WWOX: variants seen among roughly 807,000 people sequenced by gnomAD.
WWOX encodes the protein WW domain-containing oxidoreductase.
A neutral mutation model predicts 46.2 loss-of-function variants in WWOX; 69 were observed. The ratio of observed to expected loss-of-function variants is 1.49; its 90% CI spans 1.23 to 1.82. WWOX has a LOEUF of 1.82. Among genes scored for constraint, WWOX ranks in the 40% most tolerant of loss-of-function variants. The pLI is 0.00. For missense variants in WWOX, 919 were observed against 542.6 expected (o/e 1.69, Z -6.89); for synonymous variants, 359 against 202.6 (o/e 1.77, Z -6.56).
Position 79,142,472 on chromosome 16 carries a change from CCCT to C in WWOX, c.1057-69130_1057-69128del, listed in dbSNP as rs544502782. 2.1e-3 allele frequency among the ~76,000 whole-genome samples: 313 copies of C among 152,250 alleles called. 4 individuals carry two copies. The South Asian group carries it at 0.029, about 14-fold the overall frequency. ...TTGGCACATGCTACACATCAGGGCTCCCTCCTCCCCACCAAAGCTGATCATTAA... is the reference window on the plus strand; with the variant it reads ...TTGGCACATGCTACACATCAGGGCTCCCTCCCCACCAAAGCTGATCATTAA... On this transcript the variant is annotated intron_variant, in intron 8 of 8. Coordinates refer to ENST00000566780, the MANE Select transcript of WWOX (RefSeq NM_016373.4).
intron 8 of WWOX, among the ~76,000 whole-genome samples, chr16:78,853,396 A>G (rs914882866): frequency 6.6e-6 from 1 of 152,098 alleles, no homozygotes; most frequent in African/African-American, 2.4e-5. Context: ...TATTTTTAGT[A>G]GAGACAGGGT....
At chr16:78,203,720 G>A (rs2036305517) in intron 5 of WWOX, among the ~76,000 whole-genome samples, 1 of 152,142 alleles carries the variant, frequency 6.6e-6, no homozygotes, top group Non-Finnish European at 1.5e-5. Flanking sequence ...AAGGGATGGG[G>A]GAGCAGGTAA....
chr16:78,650,431 C>A (rs1351015129), intron 8 of WWOX, among the ~76,000 whole-genome samples: 1 of 152,102 alleles, frequency 6.6e-6, no homozygotes, highest in Non-Finnish European at 1.5e-5. Context: ...AATTGGTGTC[C>A]GTGTGCCTTG....
At chr16:78,691,738 C>A (rs943770042) in intron 8 of WWOX, among the ~76,000 whole-genome samples, 1 of 152,094 alleles carries the variant, frequency 6.6e-6, no homozygotes, top group Admixed American at 6.6e-5. Context: ...AGCACTGTCT[C>A]TCTCTACCCT....
chr16:78,810,159 T>A (rs933963717), intron 8 of WWOX, among the ~76,000 whole-genome samples: 1 of 152,224 alleles, frequency 6.6e-6, no homozygotes, highest in African/African-American at 2.4e-5. Context: ...TCCTTTAATA[T>A]TCTTCTTCAG....
intron 5 of WWOX, among the ~76,000 whole-genome samples, chr16:78,359,899 C>G (rs2081373638): frequency 6.6e-6 from 1 of 152,182 alleles, no homozygotes; most frequent in African/African-American, 2.4e-5. Flanking sequence ...AATTTTGTGA[C>G]TTGGAAGATT....
At chr16:78,741,407 A>G (rs560230945) in intron 8 of WWOX, among the ~76,000 whole-genome samples, 66 of 152,264 alleles carry the variant, frequency 4.3e-4, no homozygotes, top group Admixed American at 7.8e-4. Context: ...CTAATAATAC[A>G]AAAAATAGCT....
chr16:78,630,717 G>A (rs182865522), intron 8 of WWOX, among the ~76,000 whole-genome samples: 11 of 152,274 alleles, frequency 7.2e-5, no homozygotes, highest in Admixed American at 3.9e-4. Context: ...GAGTGTGACC[G>A]TATGCTGAGT....
intron 8 of WWOX, among the ~76,000 whole-genome samples, chr16:78,622,843 G>A (rs2046223247): frequency 6.6e-6 from 1 of 152,150 alleles, no homozygotes; most frequent in African/African-American, 2.4e-5. Context: ...ATCCTCCTGG[G>A]TGGGCCTGAC....
chr16:78,297,979 G>A (rs745958268), intron 5 of WWOX, among the ~76,000 whole-genome samples: 11 of 152,100 alleles, frequency 7.2e-5, no homozygotes, highest in Non-Finnish European at 1.5e-4. Context: ...CATGGAGACC[G>A]TTCCCCCGTG....
intron 8 of WWOX, among the ~76,000 whole-genome samples, chr16:78,556,732 T>C (rs1246865911): frequency 6.6e-6 from 1 of 152,138 alleles, no homozygotes; most frequent in African/African-American, 2.4e-5. Flanking sequence ...TTTTTATTTT[T>C]CGAGATGGAC....
At position 78,347,580 on chromosome 16, in the gene WWOX, A is replaced by T. The variant is rs1027182018; in HGVS notation, c.517-39280A>T. 2.0e-4 allele frequency among the ~76,000 whole-genome samples: 24 copies of T among 120,356 alleles called. 7 individuals carry two copies. Among genetic ancestry groups the T allele is most frequent in the African/African-American group, 5.1e-4 (18 of 35,522 alleles). 79.0% of individuals were successfully genotyped at this position (120,356 alleles called of 152,430 possible). On this transcript the variant is annotated intron_variant, in intron 5 of 8. Transcript: ENST00000566780. ...TCCTGACCTTCCCAGTCCGAAGCCC[A>T]AGGAGATACTTGATAAATATTCGTC... is the stretch of plus-strand genomic sequence containing the variant.
At chr16:78,158,357 T>C (rs1022794214) in intron 4 of WWOX, among the ~76,000 whole-genome samples, 17 of 152,204 alleles carry the variant, frequency 1.1e-4, no homozygotes, top group African/African-American at 3.9e-4. Flanking sequence ...GTTATTGTAC[T>C]GTACTCTATA....
chr16:78,416,145 A>G (rs1163759508), intron 6 of WWOX, among the ~76,000 whole-genome samples: 1 of 152,232 alleles, frequency 6.6e-6, no homozygotes, highest in Non-Finnish European at 1.5e-5. Context: ...GCTGACTAGT[A>G]ACATCAGTTT....
At chr16:78,509,693 C>G (rs150440255) in intron 8 of WWOX, among the ~76,000 whole-genome samples, 122 of 152,212 alleles carry the variant, frequency 8.0e-4, no homozygotes, top group African/African-American at 2.8e-3. Flanking sequence ...ACTGATCAAG[C>G]CTTCACTGTT....
chr16:78,827,913 C>A (rs537911909), intron 8 of WWOX, among the ~76,000 whole-genome samples: 1 of 152,172 alleles, frequency 6.6e-6, no homozygotes, highest in Non-Finnish European at 1.5e-5. Flanking sequence ...CCAGGCACTG[C>A]ACCTCCTCAT....
At chr16:78,898,911 G>A (rs1383478129) in intron 8 of WWOX, 1 of 151,938 alleles carries the variant, frequency 6.6e-6, no homozygotes. Flanking sequence ...TTTTCCAACT[G>A]TTTGTTTCTA....
chr16:78,369,543 G>T (rs2081617284), intron 5 of WWOX, among the ~76,000 whole-genome samples: 1 of 152,104 alleles, frequency 6.6e-6, no homozygotes, highest in South Asian at 2.1e-4. Context: ...GCCTGCGCTG[G>T]CCACACAAGT....
At chr16:78,149,055 G>A (rs946836334) in intron 4 of WWOX, among the ~76,000 whole-genome samples, 1 of 152,030 alleles carries the variant, frequency 6.6e-6, no homozygotes, top group Non-Finnish European at 1.5e-5. Flanking sequence ...GCAGTGGCAG[G>A]ATCGTAGCTC....
Sources: allele counts gnomAD v4.1 joint callset (sites outside exome capture counted in the v4.1 genomes callset), GRCh38; gene constraint gnomAD v4.1.1; transcripts MANE v1.5; gene names NCBI Gene and HGNC (gene_info 2026-07-23, HGNC 2026-07-21).